Variants in LRRIQ1 observed in about 807,000 individuals in gnomAD.
LRRIQ1 encodes the protein leucine-rich repeat- and IQ domain-containing protein 1.
LRRIQ1 carries 210 observed loss-of-function variants against 211.9 expected under a neutral mutation model. That is an observed-to-expected ratio of 0.99 (90% CI 0.89 to 1.11). LRRIQ1 has a LOEUF of 1.11. Among genes scored for constraint, LRRIQ1 ranks in the 50% most tolerant of loss-of-function variants. LRRIQ1 has a pLI of 0.00. For missense variants in LRRIQ1, 2,136 were observed against 1,939.5 expected (o/e 1.10, Z -1.90); for synonymous variants, 699 against 650.1 (o/e 1.08, Z -1.14).
At position 85,153,652 on chromosome 12, in the gene LRRIQ1, T is replaced by C. The variant is rs1274289260; in HGVS notation, c.4542-11T>C. On this transcript the variant is annotated splice_polypyrimidine_tract_variant and intron_variant, in intron 21 of 26. Transcript: ENST00000393217. Reference sequence around the variant, plus strand: ...TTGATTCAGTTAAAAGTGGTTTTTTTCTATTGCCAGATCAGAAAATAAAAC... The same window carrying C: ...TTGATTCAGTTAAAAGTGGTTTTTTCCTATTGCCAGATCAGAAAATAAAAC... The C allele has an allele frequency of 4.5e-6, 7 of 1,560,052 alleles. No homozygotes were observed. The highest frequency in any genetic ancestry group is 6.1e-6 in the Non-Finnish European group (7 of 1,150,126).
chr12:85,271,863 G>T, the LRRIQ1 span, among the ~76,000 whole-genome samples: 1 of 152,036 alleles, frequency 6.6e-6, no homozygotes, highest in East Asian at 1.9e-4. Flanking sequence ...AATTGTTGTG[G>T]TATTCTAAAG....
intron 24 of LRRIQ1, among the ~76,000 whole-genome samples, chr12:85,194,777 G>A (rs1380847652): frequency 1.3e-5 from 2 of 152,158 alleles, no homozygotes; most frequent in Non-Finnish European, 1.5e-5. Context: ...AAAAGCAAGA[G>A]CAAACACATT....
chr12:85,271,557 T>C, the LRRIQ1 span, among the ~76,000 whole-genome samples: 1 of 152,148 alleles, frequency 6.6e-6, no homozygotes, highest in African/African-American at 2.4e-5. Flanking sequence ...TAAAAATAGT[T>C]TCCAGAGCTC....
At chr12:85,182,393 G>T (rs945148881) in intron 24 of LRRIQ1, among the ~76,000 whole-genome samples, 2 of 152,012 alleles carry the variant, frequency 1.3e-5, no homozygotes, top group African/African-American at 4.8e-5. Flanking sequence ...TTTTTGTTTG[G>T]CTATTAACTA....
chr12:85,126,399 A>G (rs1425052049), intron 17 of LRRIQ1, among the ~76,000 whole-genome samples: 1 of 152,166 alleles, frequency 6.6e-6, no homozygotes, highest in Non-Finnish European at 1.5e-5. Context: ...TACTGGTTAC[A>G]TATTACAAAT....
At chr12:85,142,355 T>C (rs1256161898) in intron 19 of LRRIQ1, among the ~76,000 whole-genome samples, 1 of 151,532 alleles carries the variant, frequency 6.6e-6, no homozygotes, top group Non-Finnish European at 1.5e-5. Context: ...TGGAAATCTC[T>C]TGTCCAAATT....
At chr12:85,161,778 C>A (rs750656440) in intron 24 of LRRIQ1, among the ~76,000 whole-genome samples, 2 of 152,140 alleles carry the variant, frequency 1.3e-5, no homozygotes, top group East Asian at 1.9e-4. Context: ...TGATGGCTCA[C>A]GCCTGTAATC....
downstream of LRRIQ1, among the ~76,000 whole-genome samples, chr12:85,246,738 T>C (rs964543648): frequency 6.6e-6 from 1 of 151,550 alleles, no homozygotes; most frequent in African/African-American, 2.4e-5. Context: ...AATCTCTGAA[T>C]GTGTTAATAA....
intron 1 of LRRIQ1, among the ~76,000 whole-genome samples, chr12:85,250,830 GATTATAT>G (rs1175524278): frequency 1.1e-3 from 106 of 93,124 alleles, no homozygotes; most frequent in African/African-American, 4.1e-3. Context: ...ATATATTATA[GATTATAT>G]ATTATATTAT....
chr12:85,114,300 A>G (rs1466220550), intron 15 of LRRIQ1, among the ~76,000 whole-genome samples: 1 of 152,094 alleles, frequency 6.6e-6, no homozygotes, highest in Non-Finnish European at 1.5e-5. Flanking sequence ...AATAAAAAAT[A>G]CTAGCTTTTC....
chr12:85,124,621 C>T, intron 17 of LRRIQ1, 102 bp downstream of exon 17: 1 of 883,792 alleles, frequency 1.1e-6, no homozygotes, highest in Non-Finnish European at 1.7e-6. Context: ...GGATTCAAAT[C>T]ACAATCATAT....
chr12:85,089,661 C>A (rs140206871), intron 11 of LRRIQ1, among the ~76,000 whole-genome samples: 2 of 152,346 alleles, frequency 1.3e-5, no homozygotes, highest in African/African-American at 4.8e-5. Context: ...AACTTCTAAG[C>A]AGCAAAGGGT....
At chr12:85,073,576 G>C (rs1220031421) in intron 11 of LRRIQ1, among the ~76,000 whole-genome samples, 1 of 152,042 alleles carries the variant, frequency 6.6e-6, no homozygotes, top group Admixed American at 6.6e-5. Flanking sequence ...AGTGCTGTAC[G>C]AATTTTTTTG....
At chr12:85,141,956 C>T (rs1889576566) in intron 19 of LRRIQ1, among the ~76,000 whole-genome samples, 1 of 150,864 alleles carries the variant, frequency 6.6e-6, no homozygotes, top group Non-Finnish European at 1.5e-5. Context: ...ATGCTTCCAT[C>T]TAGGATCATT....
chr12:85,210,406 G>T (rs1194165934), intron 24 of LRRIQ1, among the ~76,000 whole-genome samples: 4 of 152,146 alleles, frequency 2.6e-5, no homozygotes, highest in Admixed American at 2.6e-4. Context: ...GATAAAACAC[G>T]ATGTTTTTGA....
At chr12:85,199,521 G>T (rs1343847518) in intron 24 of LRRIQ1, among the ~76,000 whole-genome samples, 1 of 152,132 alleles carries the variant, frequency 6.6e-6, no homozygotes, top group South Asian at 2.1e-4. Context: ...TTATAGTATA[G>T]TTTAAAGTCA....
chr12:85,139,693 GTGT>G, intron 19 of LRRIQ1, among the ~76,000 whole-genome samples: 1 of 151,438 alleles, frequency 6.6e-6, no homozygotes, highest in South Asian at 2.1e-4. Flanking sequence ...GAAGATGAAG[GTGT>G]TGTAGAGACA....
chr12:85,223,075 A>G (rs921909166), intron 24 of LRRIQ1, among the ~76,000 whole-genome samples: 1 of 152,194 alleles, frequency 6.6e-6, no homozygotes, highest in African/African-American at 2.4e-5. Flanking sequence ...AGGAAAAAAC[A>G]TACTTTAGTA....
chr12:85,231,827 C>G (rs1379204601), intron 25 of LRRIQ1, among the ~76,000 whole-genome samples: 1 of 152,124 alleles, frequency 6.6e-6, no homozygotes, highest in Non-Finnish European at 1.5e-5. Context: ...CCAAACACCT[C>G]TCCACTAGTT....
Sources: allele counts gnomAD v4.1 joint callset (sites outside exome capture counted in the v4.1 genomes callset), GRCh38; gene constraint gnomAD v4.1.1; transcripts MANE v1.5; gene names NCBI Gene and HGNC (gene_info 2026-07-23, HGNC 2026-07-21).